The following USP24 variants were observed in gnomAD, a reference collection of about 807,000 sequenced individuals.
USP24 encodes the protein ubiquitin carboxyl-terminal hydrolase 24.
A neutral mutation model predicts 361.6 loss-of-function variants in USP24; 97 were observed. That is an observed-to-expected ratio of 0.27 (90% CI 0.23 to 0.32). USP24 has a LOEUF of 0.32. Among genes scored for constraint, USP24 ranks in the 10% least tolerant of loss-of-function variants. The pLI is 1.00. For synonymous variants in USP24, 1,098 were observed against 1,124.6 expected, an observed-to-expected ratio of 0.98 and a Z score of 0.47; for missense variants, 2,353 against 3,165.6, an observed-to-expected ratio of 0.74 and a Z score of 6.16.
intron 5 of USP24, among the ~76,000 whole-genome samples, chr1:55,169,777 C>A (rs539818899): frequency 6.6e-6 from 1 of 152,120 alleles, no homozygotes; most frequent in East Asian, 1.9e-4. Flanking sequence ...CATCAAAAAC[C>A]AAGACTTACC....
At chr1:55,192,505 C>T (rs959405803) in intron 1 of USP24, among the ~76,000 whole-genome samples, 3 of 152,248 alleles carry the variant, frequency 2.0e-5, no homozygotes, top group South Asian at 2.1e-4. Context: ...GATCTCTTCA[C>T]GATGATTTTA....
chr1:55,186,621 G>A (rs1644139241), intron 1 of USP24, among the ~76,000 whole-genome samples: 1 of 152,194 alleles, frequency 6.6e-6, no homozygotes, highest in African/African-American at 2.4e-5. Context: ...TTACAACATG[G>A]AAGATCTTGA....
intron 5 of USP24, among the ~76,000 whole-genome samples, chr1:55,169,840 C>A (rs920159159): frequency 5.3e-5 from 8 of 151,960 alleles, no homozygotes; most frequent in African/African-American, 1.9e-4. Flanking sequence ...ATCAACTTTA[C>A]CGGGTAAAAA....
Position 55,071,824 on chromosome 1 carries a change from T to A in USP24, c.7790A>T (p.His2597Leu), listed in dbSNP as rs1400706284. Residue 2597 changes from histidine (H) to leucine (L), a missense_variant, in exon 67 of 68, where the codon CAT (histidine) becomes CTT (leucine). His to Leu is a moderately conservative substitution (Grantham distance 99). Around this residue, in one of 8 missense-constraint regions of USP24, gnomAD observed 53 missense variants for 57.7 expected, o/e 0.92. Transcript: ENST00000294383. Reference sequence around the variant, plus strand: ...TGCTGACCGTTATACCTGCTGTAGATGCCTGTCTCCGTTCTCATTGGCAGG... The same window carrying A: ...TGCTGACCGTTATACCTGCTGTAGAAGCCTGTCTCCGTTCTCATTGGCAGG... ...SSPANENGDR[H>L]LQQGSESPMM... is the part of the protein sequence containing the mutation. The A allele has an allele frequency of 6.2e-7, 1 of 1,612,634 alleles. No homozygotes were observed. Among genetic ancestry groups the A allele is most frequent in the South Asian group, 1.1e-5 (1 of 90,484 alleles).
intron 38 of USP24, among the ~76,000 whole-genome samples, chr1:55,118,925 G>A (rs183748048): frequency 4.6e-5 from 7 of 152,186 alleles, no homozygotes; most frequent in East Asian, 1.9e-4. Context: ...AACAACAAGC[G>A]TTGGCTAAGA....
At chr1:55,181,942 A>C (rs1643980250) in intron 1 of USP24, among the ~76,000 whole-genome samples, 1 of 152,264 alleles carries the variant, frequency 6.6e-6, no homozygotes. Flanking sequence ...GGGAAGGGAC[A>C]TCAGAGATCT....
At chr1:55,099,029 C>T (rs1035666831) in intron 45 of USP24, among the ~76,000 whole-genome samples, 1 of 152,234 alleles carries the variant, frequency 6.6e-6, no homozygotes, top group East Asian at 1.9e-4. Context: ...AGGTAGAGAG[C>T]TTTGGGTTTC....
intron 61 of USP24, among the ~76,000 whole-genome samples, chr1:55,078,052 A>G (rs1222329083): frequency 6.6e-6 from 1 of 152,224 alleles, no homozygotes; most frequent in African/African-American, 2.4e-5. Context: ...ATAATCCACT[A>G]ATCACCTGCT....
In USP24 at chr1:55,138,352, A is replaced by G. The variant is rs1646794773; in HGVS notation, c.2928+256T>C. On this transcript the variant is annotated intron_variant, in intron 26 of 67. Transcript: ENST00000294383. Reference sequence around the variant, plus strand: ...TACCTAAAATATTTTGTGCATTCCCATCTTATCACCCTCCTCACCAATGTA... The same window carrying G: ...TACCTAAAATATTTTGTGCATTCCCGTCTTATCACCCTCCTCACCAATGTA... Among the ~76,000 whole-genome samples the G allele has an allele frequency of 2.0e-5, 3 of 152,184 alleles. No homozygotes were observed. In the South Asian group the frequency reaches 6.2e-4, roughly 32 times the overall value.
At chr1:55,098,183 T>C (rs1368184560) in intron 46 of USP24, 99 bp from the exon 47 acceptor site, 2 of 1,340,528 alleles carry the variant, frequency 1.5e-6, no homozygotes, top group African/African-American at 2.9e-5. Flanking sequence ...ACATTTTTAA[T>C]CTGGGAGTCC....
intron 3 of USP24, among the ~76,000 whole-genome samples, chr1:55,173,653 G>A (rs1649670541): frequency 6.6e-6 from 1 of 152,146 alleles, no homozygotes; most frequent in African/African-American, 2.4e-5. Flanking sequence ...GGCTGGAAGA[G>A]CCCAAACTGT....
chr1:55,214,385 A>T lies in USP24; in HGVS notation c.324+405T>A, dbSNP rs749755197. Among the ~76,000 whole-genome samples, 5 of 151,566 alleles carry T rather than the reference A, an allele frequency of 3.3e-5. No homozygotes were observed. In the South Asian group the frequency reaches 1.0e-3, roughly 32 times the overall value. ...CAAAATCTCCGACCTAGCCTAGTGC[A>T]CTAGTACCCCATTTCCGACCCCCTA... On this transcript the variant is annotated intron_variant, in intron 1 of 67. Transcript: ENST00000294383.
chr1:55,204,320 G>A (rs909514539), intron 1 of USP24, among the ~76,000 whole-genome samples: 1 of 151,504 alleles, frequency 6.6e-6, no homozygotes, highest in South Asian at 2.1e-4. Flanking sequence ...ATACACTTAC[G>A]CTTTTAGGAT....
intron 60 of USP24, 82 bp downstream of exon 60, chr1:55,079,456 C>T (rs1645097515): frequency 4.6e-6 from 7 of 1,508,628 alleles, no homozygotes; most frequent in Admixed American, 2.5e-5. Flanking sequence ...CAATACTCTT[C>T]ATGCCAAACA....
Position 55,069,144 on chromosome 1 carries a change from T to C in USP24, c.7801-37A>G, listed in dbSNP as rs746956259. 20 of 1,610,986 alleles carry C rather than the reference T, an allele frequency of 1.2e-5. No homozygotes were observed. The East Asian group carries it at 3.8e-4, about 31-fold the overall frequency. ...AAAAGGAAGTTAAAGTTCATACGGTTAGAGAAAAGGTTTTCTATGCTGACT... is the reference window on the plus strand; with the variant it reads ...AAAAGGAAGTTAAAGTTCATACGGTCAGAGAAAAGGTTTTCTATGCTGACT... On this transcript the variant is annotated intron_variant, in intron 67 of 67. Coordinates refer to ENST00000294383, the MANE Select transcript of USP24 (RefSeq NM_015306.3).
chr1:55,080,322 C>T (rs1645124200), intron 59 of USP24, among the ~76,000 whole-genome samples: 1 of 152,146 alleles, frequency 6.6e-6, no homozygotes, highest in Non-Finnish European at 1.5e-5. Flanking sequence ...AGTGTTCCTC[C>T]AATGTCCCTT....
In USP24 at chr1:55,092,906, T is replaced by C. The variant is rs1295542068; in HGVS notation, c.6365A>G (p.Asp2122Gly). 1 of 1,558,114 alleles carries C rather than the reference T, an allele frequency of 6.4e-7. No homozygotes were observed. The highest frequency in any genetic ancestry group is 8.7e-7 in the Non-Finnish European group (1 of 1,155,550). Residue 2122 changes from aspartate to glycine, a missense_variant, in exon 53 of 68, where the codon GAT becomes GGT. By Grantham distance (94) the Asp-to-Gly change is moderately conservative. Around this residue, in one of 8 missense-constraint regions of USP24, gnomAD observed 598 missense variants for 761.9 expected, o/e 0.78. Transcript: ENST00000294383. ...ATTCTTCATAAACTTGAGGTTCTCA[T>C]CTCTCACCATCTACAAAAGAAGATT... is the stretch of plus-strand genomic sequence containing the variant. ...MPARIYQMVR[D>G]ENLKFMKNRD...
chr1:55,108,792 T>C (rs1398616439), intron 39 of USP24, among the ~76,000 whole-genome samples: 1 of 152,200 alleles, frequency 6.6e-6, no homozygotes, highest in Non-Finnish European at 1.5e-5. Flanking sequence ...GCAAAGCCTG[T>C]ATGGCTGCTG....
At chr1:55,142,695 A>T in intron 23 of USP24, 47 bp downstream of exon 23, 1 of 1,262,246 alleles carries the variant, frequency 7.9e-7, no homozygotes, top group Non-Finnish European at 1.1e-6. Context: ...TATGAAAGAA[A>T]AAAAGCATTT....
Sources: allele counts gnomAD v4.1 joint callset (sites outside exome capture counted in the v4.1 genomes callset), GRCh38; gene constraint gnomAD v4.1.1; regional missense constraint gnomAD v4.1.1; transcripts MANE v1.5; gene names NCBI Gene and HGNC (gene_info 2026-07-23, HGNC 2026-07-21).